The following CDK14 variants were observed in gnomAD, a reference collection of about 807,000 sequenced individuals.
CDK14 encodes cyclin-dependent kinase 14.
Under a neutral mutation model 60.7 loss-of-function variants are expected in CDK14, and 34 were observed. The ratio of observed to expected loss-of-function variants is 0.56; its 90% CI spans 0.43 to 0.75. The LOEUF (loss-of-function observed/expected upper bound fraction) is 0.75, where lower values mean the gene tolerates loss of function less well. Among genes scored for constraint, CDK14 ranks in the 30% least tolerant of loss-of-function variants. The pLI, the probability that CDK14 is intolerant of heterozygous loss-of-function variation, is 0.00. For missense variants in CDK14, 482 were observed against 564.1 expected, an observed-to-expected ratio of 0.85 and a Z score of 1.47; for synonymous variants, 197 against 203.7, an observed-to-expected ratio of 0.97 and a Z score of 0.28.
intron 14 of CDK14, among the ~76,000 whole-genome samples, chr7:91,121,382 T>G (rs765994132): frequency 7.9e-5 from 12 of 151,954 alleles, no homozygotes; most frequent in Non-Finnish European, 1.6e-4. Context: ...CTTTGGGGAG[T>G]TACAAGGAGG....
At chr7:91,044,974 C>G (rs1485552435) in intron 10 of CDK14, among the ~76,000 whole-genome samples, 3 of 152,162 alleles carry the variant, frequency 2.0e-5, no homozygotes, top group Admixed American at 6.5e-5. Context: ...GAGGTAGATG[C>G]TGTTAACACC....
chr7:91,199,143 C>G (rs571271574), intron 14 of CDK14, among the ~76,000 whole-genome samples: 14 of 152,190 alleles, frequency 9.2e-5, no homozygotes, highest in African/African-American at 3.4e-4. Flanking sequence ...GTATGCTGAG[C>G]AAATAAGGCT....
chr7:90,634,120 T>C (rs1339388061), intron 2 of CDK14, among the ~76,000 whole-genome samples: 1 of 152,122 alleles, frequency 6.6e-6, no homozygotes, highest in Non-Finnish European at 1.5e-5. Flanking sequence ...TTTTTGTTTC[T>C]TTTATGATTT....
intron 2 of CDK14, among the ~76,000 whole-genome samples, chr7:90,653,936 C>G (rs200485197): frequency 6.6e-6 from 1 of 152,094 alleles, no homozygotes; most frequent in Non-Finnish European, 1.5e-5. Flanking sequence ...TCTGTCCTTG[C>G]GATAGTTTGC....
At position 90,780,700 on chromosome 7, in the gene CDK14, A is replaced by G. The variant is rs188219247; in HGVS notation, c.465-9873A>G. The stretch of plus-strand genomic sequence containing the variant: ...TAGTTAATGAGAATGATGATTTCCA[A>G]TTTCATCCATGTCCCTACAAAGAAC... On this transcript the variant is annotated intron_variant, in intron 4 of 14. Coordinates refer to ENST00000380050, the MANE Select transcript of CDK14 (RefSeq NM_001287135.2). 4.2e-3 allele frequency among the ~76,000 whole-genome samples: 634 copies of G among 151,448 alleles called. 4 individuals are homozygous for G. The highest frequency in any genetic ancestry group is 7.2e-3 in the Non-Finnish European group (486 of 67,922).
At chr7:90,762,049 G>C (rs1452952920) in intron 4 of CDK14, among the ~76,000 whole-genome samples, 2 of 152,102 alleles carry the variant, frequency 1.3e-5, no homozygotes, top group African/African-American at 4.8e-5. Flanking sequence ...GAGAGTAGTG[G>C]GTTATGTATA....
At chr7:90,968,546 A>G (rs1794823289) in intron 9 of CDK14, among the ~76,000 whole-genome samples, 2 of 152,088 alleles carry the variant, frequency 1.3e-5, no homozygotes, top group African/African-American at 4.8e-5. Flanking sequence ...TGGGATGTTT[A>G]TATAATTGAA....
chr7:90,691,903 C>T (rs1210820101), intron 2 of CDK14, among the ~76,000 whole-genome samples: 1 of 152,010 alleles, frequency 6.6e-6, no homozygotes, highest in African/African-American at 2.4e-5. Flanking sequence ...GATGTAATTA[C>T]CATAAGTGAG....
chr7:90,982,562 C>G (rs1025072504), intron 9 of CDK14, among the ~76,000 whole-genome samples: 1 of 152,134 alleles, frequency 6.6e-6, no homozygotes, highest in Non-Finnish European at 1.5e-5. Flanking sequence ...GGATTGAGAA[C>G]CACTGAATGT....
chr7:90,928,109 T>C (rs955819880), intron 8 of CDK14, among the ~76,000 whole-genome samples: 3 of 152,180 alleles, frequency 2.0e-5, no homozygotes, highest in Non-Finnish European at 4.4e-5. Context: ...TAGTTAGCCA[T>C]TCGTCTAATC....
intron 8 of CDK14, among the ~76,000 whole-genome samples, chr7:90,921,548 C>A (rs775393778): frequency 6.6e-6 from 1 of 152,060 alleles, no homozygotes; most frequent in Non-Finnish European, 1.5e-5. Flanking sequence ...TTTGCACTAT[C>A]TCTAGAACCA....
intron 6 of CDK14, among the ~76,000 whole-genome samples, chr7:90,863,698 T>TTG (rs1554358064): frequency 1.9e-4 from 11 of 58,530 alleles, no homozygotes; most frequent in African/African-American, 5.9e-4. Flanking sequence ...GTGTGTGTGT[T>TTG]TGTGTGTGTG....
chr7:91,109,259 T>C (rs1380563156), intron 12 of CDK14, among the ~76,000 whole-genome samples: 5 of 152,144 alleles, frequency 3.3e-5, no homozygotes, highest in Non-Finnish European at 5.9e-5. Flanking sequence ...TATTATACAA[T>C]CAGTGAAATG....
chr7:91,029,457 A>G (rs1796691983), intron 10 of CDK14, among the ~76,000 whole-genome samples: 2 of 151,744 alleles, frequency 1.3e-5, no homozygotes, highest in African/African-American at 4.8e-5. Context: ...TGAGCATGGA[A>G]TGGTTTTCAT....
chr7:90,855,546 A>G (rs1160780352), intron 5 of CDK14, among the ~76,000 whole-genome samples: 1 of 152,222 alleles, frequency 6.6e-6, no homozygotes, highest in Non-Finnish European at 1.5e-5. Flanking sequence ...CTTCTCAGCT[A>G]TAACTATAAT....
At chr7:90,602,558 G>A (rs1171768377) in intron 1 of CDK14, among the ~76,000 whole-genome samples, 1 of 152,198 alleles carries the variant, frequency 6.6e-6, no homozygotes, top group East Asian at 1.9e-4. Flanking sequence ...TTGTAGCCTA[G>A]AAGTTAAATT....
At chr7:90,895,427 T>TCCC (rs1792287539) in intron 6 of CDK14, among the ~76,000 whole-genome samples, 1 of 22,538 alleles carries the variant, frequency 4.4e-5, no homozygotes, top group Non-Finnish European at 7.6e-5. Context: ...TCTCCTCTCC[T>TCCC]CTCCTCTCCT....
At chr7:90,807,645 G>C (rs1234153390) in intron 5 of CDK14, among the ~76,000 whole-genome samples, 3 of 152,302 alleles carry the variant, frequency 2.0e-5, no homozygotes, top group Non-Finnish European at 4.4e-5. Flanking sequence ...AGAGAAGCAG[G>C]CTTCAGACGA....
At chr7:90,886,033 GAAAT>G (rs552104461) in intron 6 of CDK14, among the ~76,000 whole-genome samples, 2 of 152,036 alleles carry the variant, frequency 1.3e-5, no homozygotes, top group Non-Finnish European at 2.9e-5. Flanking sequence ...TTCTTTAGAA[GAAAT>G]AAATAAAAAA....
Sources: allele counts gnomAD v4.1 joint callset (sites outside exome capture counted in the v4.1 genomes callset), GRCh38; gene constraint gnomAD v4.1.1; transcripts MANE v1.5; gene names NCBI Gene and HGNC (gene_info 2026-07-23, HGNC 2026-07-21).